Variants in PPP1R13B observed in about 807,000 individuals in gnomAD.
The protein encoded by PPP1R13B is protein phosphatase 1 regulatory subunit 13B.
A neutral mutation model predicts 119.8 loss-of-function variants in PPP1R13B; 44 were observed. The observed-to-expected ratio is 0.37, with a 90% CI of 0.29 to 0.47. The LOEUF (loss-of-function observed/expected upper bound fraction) is 0.47. PPP1R13B is among the 20% of genes least tolerant of loss of function. PPP1R13B has a pLI of 0.99. For synonymous variants in PPP1R13B, 542 were observed against 561.5 expected (o/e 0.97, Z 0.49); for missense variants, 1,227 against 1,413.5 (o/e 0.87, Z 2.12).
intron 9 of PPP1R13B, among the ~76,000 whole-genome samples, chr14:103,745,384 G>C (rs899907622): frequency 2.0e-5 from 3 of 152,244 alleles, no homozygotes; most frequent in Admixed American, 1.3e-4. Flanking sequence ...TAACAGTACT[G>C]TTTTCATAAA....
At chr14:103,783,459 C>T (rs2085382651) in intron 3 of PPP1R13B, among the ~76,000 whole-genome samples, 1 of 151,756 alleles carries the variant, frequency 6.6e-6, no homozygotes, top group South Asian at 2.1e-4. Context: ...ACCACGTTGG[C>T]CAGGCTGGTC....
In PPP1R13B at chr14:103,784,826, G is replaced by A. The variant is rs750138176; in HGVS notation, c.246C>T (p.His82=). The change falls in exon 3 of 17, where the codon CAC becomes CAT. Residue 82 remains histidine, a synonymous_variant. Transcript: ENST00000202556. ...CACTGTTCTCAGTTGGGGAGTCCTC[G>A]TGTCGAAGGAAAAATTTCACTTCTT... ...RREEVKFFLR[H]EDSPTENSEQ... The A allele has an allele frequency of 3.7e-6, 6 of 1,609,154 alleles. 1 individual carries two copies. The highest frequency in any genetic ancestry group is 3.3e-5 in the South Asian group (3 of 90,696).
chr14:103,777,349 A>G (rs892176927), intron 4 of PPP1R13B, among the ~76,000 whole-genome samples: 1 of 152,144 alleles, frequency 6.6e-6, no homozygotes. Flanking sequence ...TATGATAAGC[A>G]TTCCATCTAT....
chr14:103,785,176 C>T (rs979595778), intron 2 of PPP1R13B, among the ~76,000 whole-genome samples: 2 of 152,138 alleles, frequency 1.3e-5, no homozygotes, highest in African/African-American at 4.8e-5. Flanking sequence ...CTGAAACATG[C>T]CTTTTACAAA....
At chr14:103,813,507 G>A (rs1357667812) in intron 1 of PPP1R13B, among the ~76,000 whole-genome samples, 3 of 152,124 alleles carry the variant, frequency 2.0e-5, no homozygotes, top group Admixed American at 6.6e-5. Context: ...TGAGTCTCAC[G>A]AGATCTGATG....
At chr14:103,808,951 C>G (rs1194076984) in intron 1 of PPP1R13B, among the ~76,000 whole-genome samples, 2 of 152,106 alleles carry the variant, frequency 1.3e-5, no homozygotes, top group Non-Finnish European at 2.9e-5. Flanking sequence ...TCACTGCACC[C>G]TCGAACTCCT....
intron 1 of PPP1R13B, among the ~76,000 whole-genome samples, chr14:103,825,939 G>A (rs1252629023): frequency 6.6e-6 from 1 of 151,830 alleles, no homozygotes; most frequent in Non-Finnish European, 1.5e-5. Flanking sequence ...CCACCTCCCG[G>A]GTTCAAGTGA....
chr14:103,738,703 A>G lies in PPP1R13B; in HGVS notation c.2840T>C (p.Val947Ala), dbSNP rs550304193. Residue 947 changes from valine to alanine, a missense_variant, in exon 14 of 17, where the codon GTG (valine) becomes GCG (alanine). Physicochemically the swap from Val to Ala is moderately conservative, Grantham distance 64 (BLOSUM62 0). Transcript: ENST00000202556. The surrounding 1 kb of genome is among the most constrained non-coding windows in gnomAD (Gnocchi z 5.6). ...CCATCCATCACTATCAGCAGCATTC[A>G]CGTTGACACCAAAATCCAGCAGGAA... ...VKFLLDFGVN[V>A]NAADSDGWTP... 1.1e-5 allele frequency: 18 copies of G among 1,614,218 alleles called. No homozygotes were observed. In the South Asian group the frequency reaches 2.0e-4, roughly 18 times the overall value.
intron 1 of PPP1R13B, among the ~76,000 whole-genome samples, chr14:103,826,261 A>T (rs369280776): frequency 1.2e-4 from 18 of 152,302 alleles, no homozygotes; most frequent in African/African-American, 3.8e-4. Context: ...AGTAGTCTGG[A>T]ACCAAACTCG....
chr14:103,814,703 T>C (rs2152062867), intron 1 of PPP1R13B, among the ~76,000 whole-genome samples: 1 of 152,226 alleles, frequency 6.6e-6, no homozygotes, highest in South Asian at 2.1e-4. Context: ...CCCAGCACTT[T>C]GGGAAGCCAA....
intron 1 of PPP1R13B, among the ~76,000 whole-genome samples, chr14:103,840,811 A>G (rs1251261053): frequency 6.6e-6 from 1 of 151,724 alleles, no homozygotes; most frequent in African/African-American, 2.4e-5. Flanking sequence ...AGAAAGAAAG[A>G]AAAGAAAAGA....
intron 1 of PPP1R13B, among the ~76,000 whole-genome samples, chr14:103,843,282 G>A (rs1420901751): frequency 6.6e-6 from 1 of 151,964 alleles, no homozygotes. Flanking sequence ...GCTGGGGCAC[G>A]AGAATCACTT....
Position 103,740,085 on chromosome 14 carries a change from G to C in PPP1R13B, c.2331C>G (p.Pro777=), listed in dbSNP as rs2084214770. The C allele has an allele frequency of 6.2e-7, 1 of 1,613,966 alleles. No individual in the cohort carries two copies. Among genetic ancestry groups the C allele is most frequent in the Non-Finnish European group, 8.5e-7 (1 of 1,180,036 alleles). The change falls in exon 12 of 17, where the codon CCC becomes CCG. Residue 777 remains proline (P), a synonymous_variant. Coordinates refer to ENST00000202556, the MANE Select transcript of PPP1R13B (RefSeq NM_015316.3). The surrounding 1 kb of genome is among the most constrained non-coding windows in gnomAD (Gnocchi z 4.6). ...GNLEELPPAQ[P]TAPLPAEPAP... ...CAGGCTCAGCGGGGAGTGGGGCTGTGGGCTGGGCAGGGGGGAGCTCTTCCA... is the reference window on the plus strand; with the variant it reads ...CAGGCTCAGCGGGGAGTGGGGCTGTCGGCTGGGCAGGGGGGAGCTCTTCCA...
At chr14:103,753,260 A>G (rs1169879726) in intron 6 of PPP1R13B, 64 bp from the exon 7 acceptor site, 1 of 1,463,788 alleles carries the variant, frequency 6.8e-7, no homozygotes, top group Non-Finnish European at 9.2e-7. Flanking sequence ...TTTCATTTCT[A>G]TACACTGAAC....
At chr14:103,756,897 T>A (rs1396587002) in intron 5 of PPP1R13B, among the ~76,000 whole-genome samples, 1 of 151,046 alleles carries the variant, frequency 6.6e-6, no homozygotes, top group Non-Finnish European at 1.5e-5. Context: ...TAGCTGGGAC[T>A]ACAGGCGCCC....
chr14:103,785,347 T>G (rs577257935), intron 2 of PPP1R13B, among the ~76,000 whole-genome samples: 2 of 152,010 alleles, frequency 1.3e-5, no homozygotes, highest in Non-Finnish European at 2.9e-5. Context: ...GCCTCCCAAG[T>G]AGCTGAAATC....
chr14:103,757,541 T>A (rs954919469), intron 5 of PPP1R13B, 109 bp downstream of exon 5: 3 of 927,514 alleles, frequency 3.2e-6, no homozygotes, highest in African/African-American at 3.3e-5. Flanking sequence ...TCCTATGGCA[T>A]GGTCCTATTT....
intron 2 of PPP1R13B, chr14:103,794,702 A>G: frequency 2.4e-6 from 1 of 424,092 alleles, no homozygotes; most frequent in Non-Finnish European, 4.7e-6. Context: ...TCCTCTAGGT[A>G]AAAGGACTGA....
Position 103,740,553 on chromosome 14 carries a change from T to C in PPP1R13B, c.1863A>G (p.Pro621=), listed in dbSNP as rs2084232173. The change falls in exon 12 of 17, where the codon CCA becomes CCG. Residue 621 remains proline (P), a synonymous_variant. Transcript: ENST00000202556. The surrounding 1 kb of genome is among the most constrained non-coding windows in gnomAD (Gnocchi z 4.6). ...ACCCGTGAAGAAACGGCAGCGGCGATGGAGAGGTTGAACCCGAAGGTAAAA... is the reference window on the plus strand; with the variant it reads ...ACCCGTGAAGAAACGGCAGCGGCGACGGAGAGGTTGAACCCGAAGGTAAAA... ...KPVLPSGSTS[P]SPLPFLHGSL... is the part of the protein sequence containing the mutation. The C allele has an allele frequency of 2.6e-6, 4 of 1,557,732 alleles. No individual in the cohort carries two copies. Among genetic ancestry groups the C allele is most frequent in the Admixed American group, 3.8e-5 (2 of 52,298 alleles).
Sources: gnomAD v4.1 joint callset for allele counts (sites outside exome capture counted in the v4.1 genomes callset) on GRCh38, gnomAD v4.1.1 for gene constraint, Gnocchi (gnomAD v3.1) non-coding constraint, MANE v1.5 for transcripts, NCBI Gene and HGNC (gene_info 2026-07-23, HGNC 2026-07-21) for gene names.